The following TRIM24 variants were observed in gnomAD, a reference collection of about 807,000 sequenced individuals.
TRIM24 encodes the protein transcription intermediary factor 1-alpha.
TRIM24 carries 29 observed loss-of-function variants against 123.9 expected under a neutral mutation model. The observed-to-expected ratio is 0.23, with a 90% CI of 0.17 to 0.32. TRIM24 has a LOEUF of 0.32. Among genes scored for constraint, TRIM24 ranks in the 10% least tolerant of loss-of-function variants. The pLI is 1.00. For synonymous variants in TRIM24, 456 were observed against 461.1 expected (o/e 0.99, Z 0.14); for missense variants, 932 against 1,295.3 (o/e 0.72, Z 4.31).
chr7:138,461,302 G>T, intron 1 of TRIM24: 1 of 537,514 alleles, frequency 1.9e-6, no homozygotes, highest in Non-Finnish European at 3.6e-6. Context: ...GCTTTGTCCA[G>T]GTCCATATGA....
intron 9 of TRIM24, among the ~76,000 whole-genome samples, chr7:138,555,414 T>G (rs936654930): frequency 6.6e-6 from 1 of 152,122 alleles, no homozygotes; most frequent in East Asian, 1.9e-4. Context: ...TTCATTATAA[T>G]CTACCTTTTT....
chr7:138,474,119 G>A (rs1270516547), intron 1 of TRIM24, among the ~76,000 whole-genome samples: 1 of 132,788 alleles, frequency 7.5e-6, no homozygotes, highest in Non-Finnish European at 1.5e-5. Context: ...GATTTATCTT[G>A]TACTTTTTCT....
intron 4 of TRIM24, among the ~76,000 whole-genome samples, chr7:138,522,177 T>C (rs1169661116): frequency 2.6e-5 from 4 of 151,678 alleles, no homozygotes; most frequent in Non-Finnish European, 5.9e-5. Context: ...TCAGTAAAGA[T>C]AGAGAAATAA....
rs1391207295 is a variant in TRIM24 at position 138,580,639 on chromosome 7, A to G, written c.2663A>G (p.Asn888Ser). The change falls in exon 16 of 19, where the codon AAC (asparagine) becomes AGC (serine). Residue 888 changes from asparagine to serine, a missense_variant. By Grantham distance (46) the Asn-to-Ser change is conservative. Coordinates refer to ENST00000343526, the MANE Select transcript of TRIM24 (RefSeq NM_015905.3). ...VEYDCDAPSH[N>S]SEKKKTEGLV... ...TATGATTGTGATGCTCCCAGTCACA[A>G]CTCAGAAAAAAAGAAAACTGAAGGC... 1.2e-6 allele frequency: 2 copies of G among 1,613,822 alleles called. No homozygotes were observed. Among genetic ancestry groups the G allele is most frequent in the East Asian group, 4.5e-5 (2 of 44,832 alleles).
chr7:138,502,990 GTTAATCTAC>G (rs1402228116), intron 1 of TRIM24, among the ~76,000 whole-genome samples: 1 of 151,540 alleles, frequency 6.6e-6, no homozygotes, highest in Non-Finnish European at 1.5e-5. Flanking sequence ...TTTTATAGTT[GTTAATCTAC>G]TTAAAGTAGT....
rs376382657 is a variant in TRIM24, at chr7:138,573,490, A to T, written c.1879-17A>T. The T allele has an allele frequency of 1.3e-6, 2 of 1,533,830 alleles. No individual in the cohort carries two copies. The highest frequency in any genetic ancestry group is 1.8e-6 in the Non-Finnish European group (2 of 1,139,274). On this transcript the variant is annotated splice_polypyrimidine_tract_variant and intron_variant, in intron 11 of 18. Transcript: ENST00000343526. ...TGCAAAATCAGAATGCCCTGAAATA[A>T]TTTCTTTTCTTGTAAGATTGACTGT... is the stretch of plus-strand genomic sequence containing the variant.
chr7:138,577,390 A>G, intron 13 of TRIM24, 30 bp from the exon 14 acceptor site: 1 of 1,472,454 alleles, frequency 6.8e-7, no homozygotes, highest in Non-Finnish European at 9.0e-7. Flanking sequence ...ACATTCTTAG[A>G]TTGCTTTTTC....
At chr7:138,521,005 C>G (rs142567631) in intron 4 of TRIM24, among the ~76,000 whole-genome samples, 465 of 152,282 alleles carry the variant, frequency 3.1e-3, no homozygotes, top group African/African-American at 0.01. Context: ...AGAAGTTGCA[C>G]AAACCTCTAG....
At chr7:138,581,601 C>A in intron 16 of TRIM24, 96 bp from the exon 17 acceptor site, 1 of 1,040,358 alleles carries the variant, frequency 9.6e-7, no homozygotes, top group Non-Finnish European at 1.4e-6. Context: ...AATTTTTAGT[C>A]TGACACTTTG....
At chr7:138,539,604 A>G (rs1796960075) in intron 7 of TRIM24, among the ~76,000 whole-genome samples, 1 of 152,128 alleles carries the variant, frequency 6.6e-6, no homozygotes, top group Admixed American at 6.6e-5. Flanking sequence ...ACAGAGATTT[A>G]TACTCCGAAG....
chr7:138,545,909 G>A (rs1187360135), intron 7 of TRIM24, among the ~76,000 whole-genome samples: 1 of 152,096 alleles, frequency 6.6e-6, no homozygotes, highest in Non-Finnish European at 1.5e-5. Context: ...AAGATTACAT[G>A]AATTCATAAC....
At chr7:138,579,655 C>A in intron 15 of TRIM24, 123 bp downstream of exon 15, 1 of 749,842 alleles carries the variant, frequency 1.3e-6, no homozygotes, top group Non-Finnish European at 2.1e-6. Flanking sequence ...TCCAAAATCC[C>A]AATGAATAGT....
intron 2 of TRIM24, among the ~76,000 whole-genome samples, chr7:138,506,304 T>G (rs1396932032): frequency 1.3e-5 from 2 of 152,208 alleles, no homozygotes; most frequent in Non-Finnish European, 2.9e-5. Context: ...GAAACATATT[T>G]ATGTAGGCTA....
intron 6 of TRIM24, among the ~76,000 whole-genome samples, chr7:138,534,664 G>T (rs1393304558): frequency 1.3e-5 from 2 of 152,214 alleles, no homozygotes; most frequent in Non-Finnish European, 2.9e-5. Flanking sequence ...TAAGTGTGAT[G>T]TGGTGCTGAG....
At chr7:138,536,436 T>A (rs1796875297) in intron 6 of TRIM24, among the ~76,000 whole-genome samples, 2 of 152,354 alleles carry the variant, frequency 1.3e-5, no homozygotes, top group South Asian at 4.1e-4. Flanking sequence ...TTTCTACCAG[T>A]CAGGACCCTC....
At chr7:138,515,146 C>T (rs2116555365) in intron 2 of TRIM24, 66 bp from the exon 3 acceptor site, 1 of 1,527,368 alleles carries the variant, frequency 6.5e-7, no homozygotes, top group South Asian at 1.3e-5. Context: ...ATCATGTACG[C>T]ATAGCTCGAG....
intron 1 of TRIM24, among the ~76,000 whole-genome samples, chr7:138,482,045 C>G (rs1327104603): frequency 6.6e-6 from 1 of 152,156 alleles, no homozygotes; most frequent in African/African-American, 2.4e-5. Flanking sequence ...TCTTCCTTAG[C>G]GTCTGATTTC....
At chr7:138,535,970 C>T (rs190659134) in intron 6 of TRIM24, among the ~76,000 whole-genome samples, 3 of 152,316 alleles carry the variant, frequency 2.0e-5, no homozygotes, top group African/African-American at 7.2e-5. Context: ...TTCATTTGAT[C>T]TTCAATCACT....
intron 1 of TRIM24, among the ~76,000 whole-genome samples, chr7:138,467,354 G>GT (rs1186205352): frequency 2.6e-5 from 4 of 151,946 alleles, no homozygotes; most frequent in African/African-American, 7.3e-5. Flanking sequence ...GTTTTGTTTT[G>GT]TTTTTTTGAG....
Sources: allele counts gnomAD v4.1 joint callset (sites outside exome capture counted in the v4.1 genomes callset), GRCh38; gene constraint gnomAD v4.1.1; transcripts MANE v1.5; gene names NCBI Gene and HGNC (gene_info 2026-07-23, HGNC 2026-07-21).